Variants in GRM7 observed in about 807,000 individuals in gnomAD.
GRM7 encodes glutamate metabotropic receptor 7, also known as metabotropic glutamate receptor 7.
Under a neutral mutation model 84.5 loss-of-function variants are expected in GRM7, and 35 were observed. The observed-to-expected ratio is 0.41, with a 90% CI of 0.32 to 0.55. The LOEUF is 0.55. Ranked by LOEUF, GRM7 falls within the 20% of genes least tolerant of loss-of-function variation. The pLI is 0.19. For missense variants in GRM7, 1,003 were observed against 1,194.6 expected (o/e 0.84, Z 2.36); for synonymous variants, 487 against 455.1 (o/e 1.07, Z -0.89).
At chr3:7,655,385 T>C (rs1353648289) in intron 8 of GRM7, among the ~76,000 whole-genome samples, 4 of 152,232 alleles carry the variant, frequency 2.6e-5, no homozygotes, top group African/African-American at 9.6e-5. Context: ...CATGTGGCTC[T>C]ATCCTTTAGG....
intron 9 of GRM7, among the ~76,000 whole-genome samples, chr3:7,710,203 C>T (rs1175580817): frequency 6.6e-6 from 1 of 152,058 alleles, no homozygotes; most frequent in African/African-American, 2.4e-5. Flanking sequence ...TAAAGACTTA[C>T]ATATCTCTTC....
At chr3:7,347,098 C>T (rs114451746) in intron 4 of GRM7, among the ~76,000 whole-genome samples, 2,014 of 152,220 alleles carry the variant, frequency 0.013, 19 homozygotes, top group Non-Finnish European at 0.02. Context: ...TTAAGCTTCT[C>T]CAACTTTTCA....
At chr3:7,539,629 C>T (rs569160191) in intron 7 of GRM7, among the ~76,000 whole-genome samples, 5 of 145,008 alleles carry the variant, frequency 3.4e-5, no homozygotes, top group East Asian at 4.1e-4. Context: ...GAGTTGAGAT[C>T]GCGCCACTGC....
At chr3:6,886,158 A>G (rs115005740) in intron 1 of GRM7, among the ~76,000 whole-genome samples, 73 of 151,914 alleles carry the variant, frequency 4.8e-4, no homozygotes, top group African/African-American at 1.7e-3. Context: ...TCTCTTGGCA[A>G]ATTTCAAGTA....
intron 8 of GRM7, among the ~76,000 whole-genome samples, chr3:7,603,420 T>C (rs945372301): frequency 6.6e-6 from 1 of 152,060 alleles, no homozygotes; most frequent in Non-Finnish European, 1.5e-5. Context: ...TCTACTGTTT[T>C]ATGACAAGTC....
intron 5 of GRM7, among the ~76,000 whole-genome samples, chr3:7,450,850 G>A (rs190746029): frequency 6.6e-6 from 1 of 152,166 alleles, no homozygotes; most frequent in Admixed American, 6.6e-5. Flanking sequence ...TATTAATGGT[G>A]CTCTGAAATG....
chr3:7,678,508 G>C (rs1281384214), intron 8 of GRM7, among the ~76,000 whole-genome samples: 1 of 152,122 alleles, frequency 6.6e-6, no homozygotes, highest in African/African-American at 2.4e-5. Flanking sequence ...AGCCTTTCTT[G>C]AACAGTGTAG....
intron 4 of GRM7, among the ~76,000 whole-genome samples, chr3:7,361,575 C>T (rs953781948): frequency 2.6e-5 from 4 of 152,056 alleles, no homozygotes; most frequent in Non-Finnish European, 4.4e-5. Context: ...GTTCCGAAGA[C>T]CCCCTGTAGA....
intron 1 of GRM7, among the ~76,000 whole-genome samples, chr3:7,037,492 A>G (rs1243211702): frequency 6.6e-6 from 1 of 152,186 alleles, no homozygotes; most frequent in African/African-American, 2.4e-5. Context: ...GAATTGAGTG[A>G]ATTCATGTAA....
At chr3:6,970,968 C>A (rs2122414) in intron 1 of GRM7, among the ~76,000 whole-genome samples, 1 of 147,176 alleles carries the variant, frequency 6.8e-6, no homozygotes, top group East Asian at 2.0e-4. Context: ...GGCCACAGAG[C>A]GAGACTCTGT....
intron 1 of GRM7, among the ~76,000 whole-genome samples, chr3:7,043,463 C>T (rs1305703033): frequency 6.6e-6 from 1 of 152,196 alleles, no homozygotes; most frequent in African/African-American, 2.4e-5. Flanking sequence ...TCATCCCATT[C>T]ATTCCTGACT....
In GRM7 at chr3:6,929,958, C is replaced by A. The variant is rs548166280; in HGVS notation, c.519+68051C>A. ...ACAAATTTTTACAAGGCAGACCCCA[C>A]AAACGTGGTGTCTGGAGTAATCATT... is the stretch of plus-strand genomic sequence containing the variant. On this transcript the variant is annotated intron_variant, in intron 1 of 9. Transcript: ENST00000357716. Among the ~76,000 whole-genome samples the A allele has an allele frequency of 2.6e-5, 4 of 152,304 alleles. No homozygotes were observed. The South Asian group carries it at 8.3e-4, about 32-fold the overall frequency.
intron 8 of GRM7, among the ~76,000 whole-genome samples, chr3:7,666,056 C>A (rs1699686766): frequency 6.6e-6 from 1 of 152,060 alleles, no homozygotes; most frequent in Non-Finnish European, 1.5e-5. Context: ...GAATCTATGA[C>A]CGCAATGATA....
At chr3:7,241,451 T>C (rs1697554895) in intron 2 of GRM7, among the ~76,000 whole-genome samples, 1 of 152,168 alleles carries the variant, frequency 6.6e-6, no homozygotes, top group African/African-American at 2.4e-5. Flanking sequence ...TTTTAAAGTT[T>C]AAATTAGGAA....
At chr3:7,550,242 A>C (rs1575482115) in intron 7 of GRM7, among the ~76,000 whole-genome samples, 1 of 148,986 alleles carries the variant, frequency 6.7e-6, no homozygotes, top group South Asian at 2.2e-4. Context: ...ATTTCTAGCC[A>C]CTTTCTCTCC....
rs148945801 is a variant in GRM7, at chr3:7,719,027, C to T, written c.2699-21330C>T. On this transcript the variant is annotated intron_variant, in intron 9 of 9. Coordinates refer to ENST00000357716, the MANE Select transcript of GRM7 (RefSeq NM_000844.4). ...AAATATTTATTGCCTGATATTTTACCTCATTCTCCCAATGAGATGGGTGGT... is the reference window on the plus strand; with the variant it reads ...AAATATTTATTGCCTGATATTTTACTTCATTCTCCCAATGAGATGGGTGGT... Among the ~76,000 whole-genome samples, 144 of 152,238 alleles carry T rather than the reference C, an allele frequency of 9.5e-4. 2 individuals are homozygous for T. The East Asian group carries it at 0.025, about 27-fold the overall frequency.
intron 1 of GRM7, among the ~76,000 whole-genome samples, chr3:7,063,533 CT>C (rs1697507631): frequency 6.6e-6 from 1 of 151,708 alleles, no homozygotes; most frequent in African/African-American, 2.4e-5. Context: ...ATCCTAATTA[CT>C]TTGTACAAAG....
At position 7,730,462 on chromosome 3, in the gene GRM7, G is replaced by A. The variant is rs183597082; in HGVS notation, c.2699-9895G>A. ...AATAGTAGGTGCTCAACAGATACAT[G>A]TTGAATTGTACTGAACCAGAAACTG... On this transcript the variant is annotated intron_variant, in intron 9 of 9. Coordinates refer to ENST00000357716, the MANE Select transcript of GRM7 (RefSeq NM_000844.4). Among the ~76,000 whole-genome samples, 432 of 152,332 alleles carry A rather than the reference G, an allele frequency of 2.8e-3. 7 individuals are homozygous for A. Among genetic ancestry groups the A allele is most frequent in the Middle Eastern group, 0.02 (6 of 294 alleles).
intron 8 of GRM7, among the ~76,000 whole-genome samples, chr3:7,655,362 T>C (rs192759012): frequency 6.6e-6 from 1 of 152,270 alleles, no homozygotes; most frequent in Admixed American, 6.5e-5. Context: ...CTTCACCCAA[T>C]AACAAGATGA....
Sources: gnomAD v4.1 joint callset for allele counts (sites outside exome capture counted in the v4.1 genomes callset) on GRCh38, gnomAD v4.1.1 for gene constraint, MANE v1.5 for transcripts, NCBI Gene and HGNC (gene_info 2026-07-23, HGNC 2026-07-21) for gene names.